CSMD1: variants seen among roughly 807,000 people sequenced by gnomAD.
The protein encoded by CSMD1 is CUB and sushi domain-containing protein 1.
CSMD1 carries 213 observed loss-of-function variants against 417.5 expected under a neutral mutation model. That is an observed-to-expected ratio of 0.51 (90% CI 0.46 to 0.57). The LOEUF is 0.57. Ranked by LOEUF, CSMD1 falls within the 20% of genes least tolerant of loss-of-function variation. The pLI, the probability that CSMD1 is intolerant of heterozygous loss-of-function variation, is 0.00. For synonymous variants in CSMD1, 2,862 were observed against 1,736.8 expected, an observed-to-expected ratio of 1.65 and a Z score of -16.11; for missense variants, 6,923 against 4,529.7, an observed-to-expected ratio of 1.53 and a Z score of -15.17.
rs200644430 is a variant in CSMD1, at chr8:3,838,524, C to CTATA, written c.819-84486_819-84483dup. 3.9e-5 allele frequency among the ~76,000 whole-genome samples: 5 copies of CTATA among 128,070 alleles called. 1 individual carries two copies. The highest frequency in any genetic ancestry group is 1.5e-4 in the African/African-American group (5 of 33,704). 84.0% of individuals were successfully genotyped at this position (128,070 alleles called of 152,430 possible). Reference sequence around the variant, plus strand: ...TAGGCTATATATAATATAATATAGCCTATATATATAGTCTATATATGTACT... The same window carrying CTATA: ...TAGGCTATATATAATATAATATAGCCTATATATATATATAGTCTATATATGTACT... On this transcript the variant is annotated intron_variant, in intron 5 of 69. Transcript: ENST00000635120.
chr8:4,630,265 TACACACACACACACACACAC>T (rs57214957), intron 2 of CSMD1, among the ~76,000 whole-genome samples: 97 of 149,042 alleles, frequency 6.5e-4, no homozygotes, highest in Admixed American at 1.1e-3. Flanking sequence ...ACACAGCAAA[TACACACACACACACACACAC>T]ACACACACAC....
At chr8:2,990,050 T>A (rs994519954) in intron 54 of CSMD1, among the ~76,000 whole-genome samples, 7 of 152,190 alleles carry the variant, frequency 4.6e-5, no homozygotes, top group Non-Finnish European at 5.9e-5. Flanking sequence ...CGTGAAGACA[T>A]AATTATGCTG....
At chr8:4,648,722 G>T (rs1803692573) in intron 1 of CSMD1, among the ~76,000 whole-genome samples, 1 of 152,104 alleles carries the variant, frequency 6.6e-6, no homozygotes, top group Non-Finnish European at 1.5e-5. Flanking sequence ...CAGTGTCTTT[G>T]TGAATTTAGG....
rs550753917 is a variant in CSMD1, at chr8:4,611,809, C to T, written c.302+25533G>A. Among the ~76,000 whole-genome samples, 6 of 152,238 alleles carry T rather than the reference C, an allele frequency of 3.9e-5. No homozygotes were observed. In the East Asian group the frequency reaches 7.8e-4, roughly 20 times the overall value. The stretch of plus-strand genomic sequence containing the variant: ...TCCTCTCCTGCTTTGTACACATATG[C>T]GAATTTAACCTCAGCTTAAAATGGT... On this transcript the variant is annotated intron_variant, in intron 2 of 69. Transcript: ENST00000635120.
intron 5 of CSMD1, among the ~76,000 whole-genome samples, chr8:3,865,066 T>G (rs1453925186): frequency 6.6e-6 from 1 of 152,210 alleles, no homozygotes; most frequent in Non-Finnish European, 1.5e-5. Flanking sequence ...TCTCGGCATA[T>G]GCCAACAGTG....
chr8:4,368,426 G>T (rs796942693), intron 3 of CSMD1, among the ~76,000 whole-genome samples: 2 of 152,092 alleles, frequency 1.3e-5, no homozygotes, highest in African/African-American at 4.8e-5. Context: ...TTTGCCAGAA[G>T]ATTCATTTTT....
intron 5 of CSMD1, among the ~76,000 whole-genome samples, chr8:3,979,721 G>A (rs574837245): frequency 3.3e-5 from 5 of 152,298 alleles, no homozygotes; most frequent in African/African-American, 1.2e-4. Context: ...GAATAAGCTG[G>A]AACCTTGATC....
Position 3,762,425 on chromosome 8 carries a change from A to T in CSMD1, c.819-8383T>A, listed in dbSNP as rs916076116. The stretch of plus-strand genomic sequence containing the variant: ...GCTATGCCCTCTCCTGACACGCCAG[A>T]CTTACCCTTTGCAGACATTTTCAAA... On this transcript the variant is annotated intron_variant, in intron 5 of 69. Transcript: ENST00000635120. Among the ~76,000 whole-genome samples, 4 of 152,328 alleles carry T rather than the reference A, an allele frequency of 2.6e-5. No individual in the cohort carries two copies. In the South Asian group the frequency reaches 8.3e-4, roughly 32 times the overall value.
At chr8:3,508,985 A>C (rs1439414411) in intron 10 of CSMD1, among the ~76,000 whole-genome samples, 10 of 152,230 alleles carry the variant, frequency 6.6e-5, no homozygotes, top group Non-Finnish European at 1.5e-4. Flanking sequence ...TTAAGTGAGA[A>C]TATCTCAGTG....
intron 7 of CSMD1, among the ~76,000 whole-genome samples, chr8:3,684,205 T>A (rs367935150): frequency 1.3e-4 from 14 of 106,160 alleles, no homozygotes; most frequent in South Asian, 2.7e-4. Context: ...TAACATGTAA[T>A]TATATATAAT....
intron 3 of CSMD1, among the ~76,000 whole-genome samples, chr8:4,218,281 T>A (rs752837148): frequency 1.9e-4 from 29 of 152,222 alleles, no homozygotes; most frequent in Non-Finnish European, 3.8e-4. Flanking sequence ...TAGCAATACA[T>A]CCAAGTTTGA....
chr8:4,918,153 G>C (rs1806194721), intron 1 of CSMD1, among the ~76,000 whole-genome samples: 1 of 152,150 alleles, frequency 6.6e-6, no homozygotes, highest in African/African-American at 2.4e-5. Context: ...CCTTTGAATG[G>C]AATCCCGTGT....
chr8:3,333,424 A>G (rs542406891), intron 23 of CSMD1, among the ~76,000 whole-genome samples: 1 of 152,332 alleles, frequency 6.6e-6, no homozygotes, highest in South Asian at 2.1e-4. Flanking sequence ...CTGTGGGAAA[A>G]ACAAACACTG....
At chr8:4,167,675 G>T (rs4875296) in intron 3 of CSMD1, among the ~76,000 whole-genome samples, 11 of 151,952 alleles carry the variant, frequency 7.2e-5, no homozygotes, top group Non-Finnish European at 1.5e-4. Flanking sequence ...AAAGATATTG[G>T]TTATATGATC....
intron 6 of CSMD1, among the ~76,000 whole-genome samples, chr8:3,715,532 C>G (rs1801781325): frequency 6.6e-6 from 1 of 151,984 alleles, no homozygotes; most frequent in Non-Finnish European, 1.5e-5. Context: ...ACAAAGCAAG[C>G]AACCTTTTTT....
intron 2 of CSMD1, among the ~76,000 whole-genome samples, chr8:4,624,292 G>A (rs561148537): frequency 6.6e-6 from 1 of 151,956 alleles, no homozygotes; most frequent in Non-Finnish European, 1.5e-5. Context: ...GTAGGGAAAG[G>A]GTTAGCTAGT....
intron 54 of CSMD1, among the ~76,000 whole-genome samples, chr8:2,997,399 C>T (rs1807006810): frequency 1.3e-5 from 2 of 152,182 alleles, no homozygotes; most frequent in Non-Finnish European, 2.9e-5. Flanking sequence ...GAGAAAGAGA[C>T]ATTGATAAGT....
At chr8:4,749,425 G>A (rs564102614) in intron 1 of CSMD1, among the ~76,000 whole-genome samples, 2 of 152,330 alleles carry the variant, frequency 1.3e-5, no homozygotes, top group East Asian at 1.9e-4. Flanking sequence ...GTGTTTAGAG[G>A]TATTGCCGTT....
chr8:4,565,964 C>G (rs147862024), intron 2 of CSMD1, among the ~76,000 whole-genome samples: 1 of 151,650 alleles, frequency 6.6e-6, no homozygotes, highest in African/African-American at 2.4e-5. Flanking sequence ...CTATTATTCT[C>G]AGTATAATCT....
Sources: gnomAD v4.1 joint callset for allele counts (sites outside exome capture counted in the v4.1 genomes callset) on GRCh38, gnomAD v4.1.1 for gene constraint, MANE v1.5 for transcripts, NCBI Gene and HGNC (gene_info 2026-07-23, HGNC 2026-07-21) for gene names.